Variants in DPYSL5 observed in about 807,000 individuals in gnomAD.
DPYSL5 encodes dihydropyrimidinase-related protein 5.
Under a neutral mutation model 58.4 loss-of-function variants are expected in DPYSL5, and 9 were observed. The ratio of observed to expected loss-of-function variants is 0.15; its 90% CI spans 0.09 to 0.27. DPYSL5 has a LOEUF of 0.27. Among genes scored for constraint, DPYSL5 ranks in the 10% least tolerant of loss-of-function variants. The pLI, the probability that DPYSL5 is intolerant of heterozygous loss-of-function variation, is 1.00. For missense variants in DPYSL5, 499 were observed against 770.6 expected (o/e 0.65, Z 4.17); for synonymous variants, 293 against 301.9 (o/e 0.97, Z 0.31).
chr2:26,886,514 A>G (rs1463248742), intron 1 of DPYSL5, among the ~76,000 whole-genome samples: 4 of 152,224 alleles, frequency 2.6e-5, no homozygotes, highest in Non-Finnish European at 4.4e-5. Context: ...TAATTATACA[A>G]TTTTGCAAAC....
chr2:26,882,109 A>G (rs549414351), intron 1 of DPYSL5, among the ~76,000 whole-genome samples: 61 of 151,600 alleles, frequency 4.0e-4, no homozygotes, highest in East Asian at 1.2e-3. Flanking sequence ...AAAAAAAAAA[A>G]AAAGAAAGAA....
In DPYSL5 at chr2:26,854,700, C is replaced by T. The variant is rs565704100; in HGVS notation, c.-5+6446C>T. On this transcript the variant is annotated intron_variant, in intron 1 of 12. Coordinates refer to ENST00000288699, the MANE Select transcript of DPYSL5 (RefSeq NM_020134.4). ...AGCCCAGAATATTGCTCAGAGTAAC[C>T]ATTCAACAGATAATATTGAAAGAAT... 3.3e-5 allele frequency among the ~76,000 whole-genome samples: 5 copies of T among 152,314 alleles called. No homozygotes were observed. The South Asian group carries it at 1.0e-3, about 32-fold the overall frequency.
chr2:26,863,021 A>G (rs1666055489), intron 1 of DPYSL5, among the ~76,000 whole-genome samples: 1 of 152,046 alleles, frequency 6.6e-6, no homozygotes, highest in East Asian at 1.9e-4. Flanking sequence ...CATCTGACAC[A>G]TGCACTCTGA....
At chr2:26,897,112 G>A (rs1664041306) in intron 1 of DPYSL5, among the ~76,000 whole-genome samples, 1 of 152,140 alleles carries the variant, frequency 6.6e-6, no homozygotes, top group Non-Finnish European at 1.5e-5. Context: ...CATGTCATCT[G>A]CAACGAGGGA....
chr2:26,912,837 G>T (rs1237818287), intron 2 of DPYSL5, among the ~76,000 whole-genome samples: 1 of 152,166 alleles, frequency 6.6e-6, no homozygotes, highest in African/African-American at 2.4e-5. Flanking sequence ...AGCCCAAGCC[G>T]CACTTACCCC....
rs1339872013 is a variant in DPYSL5 at position 26,898,910 on chromosome 2, T to C, written c.261+150T>C. 2.1e-6 allele frequency: 2 copies of C among 970,784 alleles called. No homozygotes were observed. The highest frequency in any genetic ancestry group is 1.5e-6 in the Non-Finnish European group (1 of 670,562). The allele number at this position is 970,784 out of a possible 1,614,324, so 60.1% of individuals were successfully genotyped here. A position where few individuals can be genotyped will look rare whatever the true frequency, so the allele number is the denominator to read the frequency against. On this transcript the variant is annotated intron_variant, in intron 2 of 12. Transcript: ENST00000288699. This position sits in a 1 kb window ranked among gnomAD's most constrained non-coding sequence, Gnocchi z 6.1. ...GTCAGGGCCACTGTGGCAACTACAA[T>C]AGGGATTTCCGGCTTAACGTCACAG... is the stretch of plus-strand genomic sequence containing the variant.
chr2:26,910,114 T>G (rs539605863), intron 2 of DPYSL5, among the ~76,000 whole-genome samples: 52 of 152,354 alleles, frequency 3.4e-4, no homozygotes, highest in Middle Eastern at 6.8e-3. Flanking sequence ...CAATGCGATA[T>G]GCATTCCTTT....
At chr2:26,922,221 T>G (rs1174466281) in intron 2 of DPYSL5, among the ~76,000 whole-genome samples, 1 of 152,190 alleles carries the variant, frequency 6.6e-6, no homozygotes, top group East Asian at 1.9e-4. Context: ...CATACCAGGC[T>G]CAAGGACAGC....
rs796083813 is a variant in DPYSL5, at chr2:26,932,135, AAG to A, written c.714+455_714+456del. Among the ~76,000 whole-genome samples, 151 of 111,670 alleles carry A rather than the reference AAG, an allele frequency of 1.4e-3. 2 individuals are homozygous for A. Among genetic ancestry groups the A allele is most frequent in the African/African-American group, 5.0e-3 (131 of 26,178 alleles). 73.3% of individuals were successfully genotyped at this position (111,670 alleles called of 152,430 possible). On this transcript the variant is annotated intron_variant, in intron 6 of 12. Transcript: ENST00000288699. Reference sequence around the variant, plus strand: ...AAGAAAAAAGAAAGAGAAAGAAAGAAAGAGAAAGAAAGAAAGAAAGAAAGAAA... The same window carrying A: ...AAGAAAAAAGAAAGAGAAAGAAAGAAAGAAAGAAAGAAAGAAAGAAAGAAA...
At chr2:26,917,458 CA>C (rs1283134244) in intron 2 of DPYSL5, among the ~76,000 whole-genome samples, 1 of 150,146 alleles carries the variant, frequency 6.7e-6, no homozygotes, top group Non-Finnish European at 1.5e-5. Context: ...CCTCGGAGAA[CA>C]AATCATGCAT....
chr2:26,921,066 C>A (rs923198787), intron 2 of DPYSL5, among the ~76,000 whole-genome samples: 4 of 152,194 alleles, frequency 2.6e-5, no homozygotes, highest in Non-Finnish European at 5.9e-5. Context: ...AGGGCAGAAG[C>A]ATGAAAGGAC....
intron 1 of DPYSL5, among the ~76,000 whole-genome samples, chr2:26,888,087 GA>G (rs753630800): frequency 3.0e-4 from 45 of 152,290 alleles, no homozygotes; most frequent in Admixed American, 9.8e-4. Context: ...GGTCACTGTT[GA>G]CAAAGTCCAG....
intron 1 of DPYSL5, among the ~76,000 whole-genome samples, chr2:26,854,044 T>TA (rs373203023): frequency 0.022 from 3,230 of 148,886 alleles, 130 homozygotes; most frequent in African/African-American, 0.076. Context: ...TCTCAAAAAT[T>TA]AAAAAAAAAA....
intron 1 of DPYSL5, among the ~76,000 whole-genome samples, chr2:26,863,534 G>A (rs1371252834): frequency 6.6e-6 from 1 of 152,240 alleles, no homozygotes; most frequent in Non-Finnish European, 1.5e-5. Flanking sequence ...AAGCCTGCTT[G>A]AACAGCTTTA....
chr2:26,931,152 A>AAAAATATAT (rs1209140758), intron 5 of DPYSL5, among the ~76,000 whole-genome samples: 1 of 48,822 alleles, frequency 2.0e-5, no homozygotes, highest in African/African-American at 6.6e-5. Flanking sequence ...AAAAAAAAAA[A>AAAAATATAT]ATATATATAT....
chr2:26,911,843 C>T (rs1050577202), intron 2 of DPYSL5, among the ~76,000 whole-genome samples: 1 of 152,200 alleles, frequency 6.6e-6, no homozygotes, highest in Non-Finnish European at 1.5e-5. Flanking sequence ...CCAGGCAAAA[C>T]ACACTCCAGG....
rs1454651500 is a variant in DPYSL5 at position 26,942,127 on chromosome 2, G to A, written c.1232+35G>A. ...GTTGCTCGTCCCCAGGGCTAGAGGG[G>A]CTTGGGATTTTGAAGAAGACTTGCA... On this transcript the variant is annotated intron_variant, in intron 10 of 12. Coordinates refer to ENST00000288699, the MANE Select transcript of DPYSL5 (RefSeq NM_020134.4). The surrounding 1 kb of genome is among the most constrained non-coding windows in gnomAD (Gnocchi z 5.9). 22 of 1,608,348 alleles carry A rather than the reference G, an allele frequency of 1.4e-5. No homozygotes were observed. Among genetic ancestry groups the A allele is most frequent in the Middle Eastern group, 3.3e-4 (2 of 6,044 alleles).
chr2:26,889,302 C>T (rs1415430985), intron 1 of DPYSL5, among the ~76,000 whole-genome samples: 1 of 151,232 alleles, frequency 6.6e-6, no homozygotes, highest in Non-Finnish European at 1.5e-5. Flanking sequence ...CGGAGTCTTG[C>T]TCTGTTGCCC....
At chr2:26,929,997 G>A (rs1242460134) in intron 5 of DPYSL5, among the ~76,000 whole-genome samples, 1 of 152,204 alleles carries the variant, frequency 6.6e-6, no homozygotes, top group Non-Finnish European at 1.5e-5. Flanking sequence ...GGGATTGAGG[G>A]GGAGGCCTCG....
Sources: allele counts gnomAD v4.1 joint callset (sites outside exome capture counted in the v4.1 genomes callset), GRCh38; gene constraint gnomAD v4.1.1; non-coding constraint Gnocchi (gnomAD v3.1); transcripts MANE v1.5; gene names NCBI Gene and HGNC (gene_info 2026-07-23, HGNC 2026-07-21).